Variants in NRG4 observed in about 807,000 individuals in gnomAD.
NRG4 encodes the protein neuregulin 4, also known as pro-neuregulin-4, membrane-bound isoform.
In NRG4, 10 loss-of-function variants were observed where a neutral mutation model predicts 15.0. The observed-to-expected ratio is 0.67, with a 90% confidence interval of 0.41 to 1.13. NRG4 has a LOEUF of 1.13. Ranked by LOEUF, NRG4 falls within the 50% of genes most tolerant of loss-of-function variation. The pLI is 0.00. For synonymous variants in NRG4, 41 were observed against 50.1 expected (o/e 0.82, Z 0.77); for missense variants, 139 against 140.2 (o/e 0.99, Z 0.04).
chr15:76,015,880 T>C (rs1385543992), upstream of NRG4, among the ~76,000 whole-genome samples: 2 of 152,142 alleles, frequency 1.3e-5, no homozygotes, highest in Non-Finnish European at 2.9e-5. Flanking sequence ...TAGGGAGGAG[T>C]CCCTCTTTTT....
Position 76,038,679 on chromosome 15 carries a change from G to A in NRG4, c.-104-2688C>T, listed in dbSNP as rs147162275. 1.9e-3 allele frequency among the ~76,000 whole-genome samples: 282 copies of A among 152,346 alleles called. 1 individual carries two copies. Among genetic ancestry groups the A allele is most frequent in the African/African-American group, 6.6e-3 (275 of 41,582 alleles). Reference sequence around the variant, plus strand: ...TCTCTGGACCTGCCCAGGGCCTGCAGGAACTTGCCGCCCTGAAGGGAAGGA... The same window carrying A: ...TCTCTGGACCTGCCCAGGGCCTGCAAGAACTTGCCGCCCTGAAGGGAAGGA... On this transcript the variant is annotated intron_variant, in intron 4 of 8. Coordinates refer to the NRG4 transcript ENST00000563910.
chr15:75,944,769 G>GC, intron 5 of NRG4, among the ~76,000 whole-genome samples: 1 of 138,104 alleles, frequency 7.2e-6, no homozygotes, highest in Non-Finnish European at 1.6e-5. Context: ...GTGTGTGTGT[G>GC]GGGGGGTGGT....
At chr15:75,974,115 A>T (rs2033247852) in intron 3 of NRG4, among the ~76,000 whole-genome samples, 1 of 152,072 alleles carries the variant, frequency 6.6e-6, no homozygotes, top group South Asian at 2.1e-4. Flanking sequence ...TGTGTTAAGG[A>T]ATTTATCCAT....
chr15:76,026,398 A>C (rs2035316077), intron 5 of NRG4, among the ~76,000 whole-genome samples: 1 of 152,244 alleles, frequency 6.6e-6, no homozygotes, highest in Non-Finnish European at 1.5e-5. Context: ...AAAGTACTGA[A>C]AGAAAAAAAC....
At chr15:76,013,777 A>G (rs1238922883), upstream of NRG4, among the ~76,000 whole-genome samples, 1 of 152,102 alleles carries the variant, frequency 6.6e-6, no homozygotes, top group Non-Finnish European at 1.5e-5. Flanking sequence ...AGTCTTTGCT[A>G]TTGTGAACAG....
At chr15:75,990,009 G>A (rs2141868757) in intron 3 of NRG4, among the ~76,000 whole-genome samples, 1 of 152,246 alleles carries the variant, frequency 6.6e-6, no homozygotes, top group East Asian at 1.9e-4. Context: ...ATCCTCAAGA[G>A]TGACTCTTTG....
intron 3 of NRG4, among the ~76,000 whole-genome samples, chr15:76,008,814 A>C (rs1231155664): frequency 6.6e-6 from 1 of 152,200 alleles, no homozygotes; most frequent in African/African-American, 2.4e-5. Flanking sequence ...TTTATGTACT[A>C]AAAACTCAAA....
chr15:75,976,451 G>A (rs1285297017), intron 3 of NRG4, among the ~76,000 whole-genome samples: 1 of 152,140 alleles, frequency 6.6e-6, no homozygotes, highest in East Asian at 1.9e-4. Context: ...TTTTTGCACT[G>A]GTTTTTCCTC....
At chr15:75,978,361 G>C (rs1029632975) in intron 3 of NRG4, among the ~76,000 whole-genome samples, 3 of 152,082 alleles carry the variant, frequency 2.0e-5, no homozygotes, top group Non-Finnish European at 4.4e-5. Context: ...CATTCATGTT[G>C]CTGCACATGA....
At position 76,050,743 on chromosome 15, in the gene NRG4, C is replaced by T. The variant is rs1035794481; in HGVS notation, c.-105+1324G>A. ...ACAGGCGTAAGCCACCGTGCCCAGC[C>T]GAGCCTTCGTTTTTCTAAGCTCAGC... On this transcript the variant is annotated intron_variant, in intron 4 of 8. Transcript: ENST00000563910. 4.0e-5 allele frequency among the ~76,000 whole-genome samples: 6 copies of T among 148,650 alleles called. 1 individual carries two copies. The highest frequency in any genetic ancestry group is 6.6e-5 in the Admixed American group (1 of 15,064).
intron 1 of NRG4, chr15:76,011,923 T>C (rs116885893): frequency 0.013 from 1,967 of 152,270 alleles, 22 homozygotes; most frequent in Non-Finnish European, 0.019. Flanking sequence ...CAAAGCAATG[T>C]AGCTAATAAG....
At chr15:76,050,437 G>GTTTTTTTT (rs71444951) in intron 4 of NRG4, among the ~76,000 whole-genome samples, 6 of 91,876 alleles carry the variant, frequency 6.5e-5, no homozygotes, top group African/African-American at 1.3e-4. Context: ...CCGAGCCTTC[G>GTTTTTTTT]TTTTTTTTTT....
At chr15:76,018,990 A>G (rs1472697185) in intron 5 of NRG4, among the ~76,000 whole-genome samples, 1 of 150,288 alleles carries the variant, frequency 6.7e-6, no homozygotes, top group Non-Finnish European at 1.5e-5. Flanking sequence ...TAACCCCCTG[A>G]CTGGGGCTGC....
Position 75,944,314 on chromosome 15 carries a change from T to C in NRG4, c.332-660A>G, listed in dbSNP as rs1054302383. Among the ~76,000 whole-genome samples the C allele has an allele frequency of 2.5e-3, 13 of 5,280 alleles. No individual in the cohort carries two copies. In the Non-Finnish European group the frequency reaches 0.054, roughly 22 times the overall value. 3.5% of individuals were successfully genotyped at this position (5,280 alleles called of 152,430 possible). A position where few individuals can be genotyped will look rare whatever the true frequency, so the allele number is the denominator to read the frequency against. The stretch of plus-strand genomic sequence containing the variant: ...TATTTGAAATATTAACCATAGTACC[T>C]GGCACACAGGCATGTGGTGTGCATG... On this transcript the variant is annotated intron_variant, in intron 5 of 5. Transcript: ENST00000394907.
intron 3 of NRG4, among the ~76,000 whole-genome samples, chr15:75,970,774 G>A (rs914143103): frequency 2.4e-4 from 36 of 152,248 alleles, no homozygotes; most frequent in African/African-American, 8.2e-4. Context: ...TAAGGATGCA[G>A]GGATAGGTGA....
At chr15:75,984,638 G>A (rs1406287700) in intron 3 of NRG4, among the ~76,000 whole-genome samples, 1 of 152,086 alleles carries the variant, frequency 6.6e-6, no homozygotes, top group Non-Finnish European at 1.5e-5. Flanking sequence ...GGCCTACTGG[G>A]AGGCAGGGGG....
chr15:76,051,301 G>A (rs189997988), intron 4 of NRG4, among the ~76,000 whole-genome samples: 3 of 150,122 alleles, frequency 2.0e-5, no homozygotes, highest in African/African-American at 5.0e-5. Flanking sequence ...CACCGCGCCC[G>A]GCCTATTTAT....
rs2030955687 is a variant in NRG4, at chr15:75,941,551, A to C, written c.*2087T>G. On this transcript the variant is annotated 3_prime_UTR_variant, in exon 6 of 6. Transcript: ENST00000394907. ...ATACCCAACAGATGAATGGATAGAC[A>C]AAATGTGTTATATCCATACAATGGA... 6.6e-6 allele frequency: 1 copy of C among 152,234 alleles called. No individual in the cohort carries two copies. The allele number at this position is 152,234 out of a possible 1,614,324, so 9.4% of individuals were successfully genotyped here.
chr15:76,048,285 A>C (rs928025545), intron 4 of NRG4, among the ~76,000 whole-genome samples: 1 of 150,552 alleles, frequency 6.6e-6, no homozygotes, highest in Non-Finnish European at 1.5e-5. Flanking sequence ...TAGCGTGGCC[A>C]ATGTGGTAAA....
Sources: gnomAD v4.1 joint callset for allele counts (sites outside exome capture counted in the v4.1 genomes callset) on GRCh38, gnomAD v4.1.1 for gene constraint, MANE v1.5 for transcripts, NCBI Gene and HGNC (gene_info 2026-07-23, HGNC 2026-07-21) for gene names.